Variants in EAF2 observed in about 807,000 individuals in gnomAD.
EAF2 encodes the protein ELL associated factor 2.
A neutral mutation model predicts 29.4 loss-of-function variants in EAF2; 29 were observed. That is an observed-to-expected ratio of 0.99 (90% CI 0.73 to 1.35). EAF2 has a LOEUF of 1.35. Among genes scored for constraint, EAF2 ranks in the 40% most tolerant of loss-of-function variants. The pLI is 0.00. For synonymous variants in EAF2, 103 were observed against 102.5 expected (o/e 1.00, Z -0.03); for missense variants, 292 against 312.0 (o/e 0.94, Z 0.48).
At chr3:121,868,592 C>T (rs1708962783) in intron 4 of EAF2, among the ~76,000 whole-genome samples, 1 of 151,924 alleles carries the variant, frequency 6.6e-6, no homozygotes, top group Admixed American at 6.6e-5. Flanking sequence ...AGTGAGACTC[C>T]ATCTCAAAAA....
At chr3:121,885,806 A>G (rs1220402836) in intron 5 of EAF2, among the ~76,000 whole-genome samples, 22 of 152,134 alleles carry the variant, frequency 1.4e-4, no homozygotes, top group Non-Finnish European at 2.9e-4. Flanking sequence ...TCATTTTTCC[A>G]TAGCACTTAT....
rs751263492 is a variant in EAF2, at chr3:121,849,940, GTA to G, written c.202-4733_202-4732del. Among the ~76,000 whole-genome samples, 430 of 125,162 alleles carry G rather than the reference GTA, an allele frequency of 3.4e-3. 4 individuals are homozygous for G. The highest frequency in any genetic ancestry group is 0.011 in the African/African-American group (387 of 34,234). The allele number at this position is 125,162 out of a possible 152,430, so 82.1% of individuals were successfully genotyped here. ...TTCTCTGATATATATATATATGTATGTATATATATATATATCAACCTTTTTTT... is the reference window on the plus strand; with the variant it reads ...TTCTCTGATATATATATATATGTATGTATATATATATATCAACCTTTTTTT... On this transcript the variant is annotated intron_variant, in intron 2 of 5. Coordinates refer to ENST00000273668, the MANE Select transcript of EAF2 (RefSeq NM_018456.6).
chr3:121,859,991 T>C lies in EAF2; in HGVS notation c.484+2835T>C, dbSNP rs144836628. On this transcript the variant is annotated intron_variant, in intron 4 of 5. Coordinates refer to ENST00000273668, the MANE Select transcript of EAF2 (RefSeq NM_018456.6). ...GATTATGTTTATTGATTGGCATATG[T>C]TGAACCAGCCTTGTATCCCAAGGAT... Among the ~76,000 whole-genome samples, 548 of 152,354 alleles carry C rather than the reference T, an allele frequency of 3.6e-3. 3 individuals carry two copies. The highest frequency in any genetic ancestry group is 0.013 in the African/African-American group (524 of 41,578).
intron 4 of EAF2, among the ~76,000 whole-genome samples, chr3:121,869,041 A>G (rs1412832048): frequency 6.6e-6 from 1 of 152,258 alleles, no homozygotes; most frequent in Admixed American, 6.5e-5. Context: ...TAATGGATTC[A>G]AACTAAAAAT....
intron 5 of EAF2, among the ~76,000 whole-genome samples, chr3:121,885,376 CTT>C (rs1282808750): frequency 1.3e-5 from 2 of 152,222 alleles, no homozygotes; most frequent in African/African-American, 2.4e-5. Flanking sequence ...CAACTTCTCT[CTT>C]GTTTCTGTGT....
At chr3:121,855,844 A>G (rs1708708854) in intron 3 of EAF2, among the ~76,000 whole-genome samples, 1 of 152,214 alleles carries the variant, frequency 6.6e-6, no homozygotes, top group Admixed American at 6.5e-5. Context: ...AAATTAGGAC[A>G]TTATCTTGCT....
At chr3:121,841,462 G>T (rs993220222) in intron 1 of EAF2, among the ~76,000 whole-genome samples, 1 of 131,792 alleles carries the variant, frequency 7.6e-6, no homozygotes, top group Non-Finnish European at 1.6e-5. Flanking sequence ...CCGAAATCGC[G>T]CCACTGTACT....
At chr3:121,842,692 C>A (rs770721167) in intron 1 of EAF2, among the ~76,000 whole-genome samples, 2 of 152,154 alleles carry the variant, frequency 1.3e-5, no homozygotes, top group Non-Finnish European at 2.9e-5. Context: ...TTTCTGGCTT[C>A]TTCTACTTTA....
At chr3:121,863,135 CG>C (rs1708863046) in intron 4 of EAF2, among the ~76,000 whole-genome samples, 3 of 152,266 alleles carry the variant, frequency 2.0e-5, no homozygotes, top group South Asian at 2.1e-4. Flanking sequence ...TTAGGCTATT[CG>C]GGGGTCAGGG....
chr3:121,877,693 A>C (rs2107545669), intron 5 of EAF2, among the ~76,000 whole-genome samples: 1 of 152,154 alleles, frequency 6.6e-6, no homozygotes, highest in South Asian at 2.1e-4. Flanking sequence ...AAAATAATAA[A>C]TAATAAATAA....
At chr3:121,841,426 A>G (rs1376836126) in intron 1 of EAF2, among the ~76,000 whole-genome samples, 6 of 145,640 alleles carry the variant, frequency 4.1e-5, no homozygotes, top group Middle Eastern at 3.7e-3. Flanking sequence ...AATCACTTGA[A>G]CCCAGGAGGC....
chr3:121,864,201 A>T (rs1250476136), intron 4 of EAF2, among the ~76,000 whole-genome samples: 1 of 152,208 alleles, frequency 6.6e-6, no homozygotes, highest in Non-Finnish European at 1.5e-5. Flanking sequence ...GGCTGCAGTG[A>T]GACCCTGGTC....
At chr3:121,849,939 T>C (rs1708596471) in intron 2 of EAF2, among the ~76,000 whole-genome samples, 1 of 129,108 alleles carries the variant, frequency 7.7e-6, no homozygotes, top group African/African-American at 2.8e-5. Context: ...TATATATGTA[T>C]GTATATATAT....
Position 121,872,713 on chromosome 3 carries a change from C to T in EAF2, c.661C>T (p.Gln221Ter). ...NCVSGHPTMT[Q>*]YRIPDIDASH... ...TGTCTCAGGACATCCTACCATGACA[C>T]AGTACAGGATTCCTGATATAGATGC... The change falls in exon 5 of 6, where the codon CAG becomes TAG. Residue 221 changes from glutamine (Q) to a stop codon, truncating the protein, a stop_gained. Coordinates refer to ENST00000273668, the MANE Select transcript of EAF2 (RefSeq NM_018456.6). LOFTEE classifies it high-confidence loss of function. The T allele has an allele frequency of 1.2e-6, 2 of 1,612,796 alleles. No homozygotes were observed. The highest frequency in any genetic ancestry group is 8.5e-7 in the Non-Finnish European group (1 of 1,179,194).
chr3:121,844,995 C>T (rs2107502104), intron 2 of EAF2, among the ~76,000 whole-genome samples: 1 of 152,110 alleles, frequency 6.6e-6, no homozygotes, highest in South Asian at 2.1e-4. Context: ...ATAAAGCAAG[C>T]AATATTTCAG....
chr3:121,873,951 A>G (rs1398755570), intron 5 of EAF2, among the ~76,000 whole-genome samples: 2 of 151,846 alleles, frequency 1.3e-5, no homozygotes, highest in Non-Finnish European at 3.0e-5. Context: ...ATTGTTTGAC[A>G]GTTGTAAATT....
chr3:121,876,577 A>G (rs1182243196), intron 5 of EAF2, among the ~76,000 whole-genome samples: 1 of 151,942 alleles, frequency 6.6e-6, no homozygotes, highest in Non-Finnish European at 1.5e-5. Flanking sequence ...GATTAAAGCT[A>G]AAACTCTAGA....
At chr3:121,839,704 T>A (rs1708369762) in intron 1 of EAF2, among the ~76,000 whole-genome samples, 1 of 152,128 alleles carries the variant, frequency 6.6e-6, no homozygotes, top group Admixed American at 6.6e-5. Flanking sequence ...TACACATAAT[T>A]TGACACTTTA....
At chr3:121,860,254 C>T (rs965227231) in intron 4 of EAF2, among the ~76,000 whole-genome samples, 2 of 152,150 alleles carry the variant, frequency 1.3e-5, no homozygotes, top group Non-Finnish European at 2.9e-5. Flanking sequence ...GATACCAGCC[C>T]CTCTTTCTAC....
Sources: allele counts gnomAD v4.1 joint callset (sites outside exome capture counted in the v4.1 genomes callset), GRCh38; gene constraint gnomAD v4.1.1; transcripts MANE v1.5; gene names NCBI Gene and HGNC (gene_info 2026-07-23, HGNC 2026-07-21).